Variants in BAG2 observed in about 807,000 individuals in gnomAD.
BAG2 encodes BAG family molecular chaperone regulator 2.
Under a neutral mutation model 16.4 loss-of-function variants are expected in BAG2, and 8 were observed. That is an observed-to-expected ratio of 0.49 (90% CI 0.29 to 0.88). BAG2 has a LOEUF of 0.88. BAG2 is among the 40% of genes least tolerant of loss of function. The pLI is 0.09. For missense variants in BAG2, 218 were observed against 248.9 expected, an observed-to-expected ratio of 0.88 and a Z score of 0.84; for synonymous variants, 82 against 89.2, an observed-to-expected ratio of 0.92 and a Z score of 0.46.
At chr6:57,173,328 C>G (rs1764182974) in intron 1 of BAG2, 1 of 985,284 alleles carries the variant, frequency 1.0e-6, no homozygotes, top group Non-Finnish European at 1.2e-6. Context: ...CCCAGCAATC[C>G]ATTGAGAGCA....
Position 57,189,152 on chromosome 6 carries a change from CA to C in BAG2, c.*4966del, listed in dbSNP as rs1764732657. ...GCTGGAAAGCTACTGTCCCAAGTGACAAAATTTATGTCCTGACACATGATTA... is the reference window on the plus strand; with the variant it reads ...GCTGGAAAGCTACTGTCCCAAGTGACAAATTTATGTCCTGACACATGATTA... On this transcript the variant is annotated 3_prime_UTR_variant, in exon 3 of 3. Transcript: ENST00000370693. The C allele has an allele frequency of 6.6e-6, 1 of 152,138 alleles. No homozygotes were observed. The highest frequency in any genetic ancestry group is 2.4e-5 in the African/African-American group (1 of 41,436). 9.4% of individuals were successfully genotyped at this position (152,138 alleles called of 1,614,324 possible).
chr6:57,172,733 G>T lies in BAG2; in HGVS notation c.36G>T (p.Glu12Asp). 1 of 1,581,638 alleles carries T rather than the reference G, an allele frequency of 6.3e-7. No individual in the cohort carries two copies. The highest frequency in any genetic ancestry group is 2.4e-5 in the East Asian group (1 of 41,524). ...CGAAGATCAACGCTAAAGCCAACGA[G>T]GGGCGCTTCTGCCGCTCCTCCTCCA... ...AQAKINAKANEGRFCRSSSMA... is the reference protein window; with the variant it reads ...AQAKINAKANDGRFCRSSSMA... The change falls in exon 1 of 3, where the codon GAG (glutamate) becomes GAT (aspartate). Residue 12 changes from glutamate to aspartate, a missense_variant. Glu to Asp is a conservative substitution (Grantham distance 45). Transcript: ENST00000370693.
Position 57,172,575 on chromosome 6 carries a change from C to A in BAG2, c.-123C>A. ...GGCGAGTCCTCCCGGGTTGCCCCCG[C>A]GGGCGTCAGAGGGAGGGCGGGCGCC... is the stretch of plus-strand genomic sequence containing the variant. On this transcript the variant is annotated 5_prime_UTR_variant, in exon 1 of 3. Transcript: ENST00000370693. 1.3e-6 allele frequency: 1 copy of A among 766,256 alleles called. No individual in the cohort carries two copies. Among genetic ancestry groups the A allele is most frequent in the Non-Finnish European group, 1.9e-6 (1 of 524,280 alleles). 47.5% of individuals were successfully genotyped at this position (766,256 alleles called of 1,614,324 possible). A position where few individuals can be genotyped will look rare whatever the true frequency, so the allele number is the denominator to read the frequency against.
chr6:57,172,917 T>A, intron 1 of BAG2, 107 bp downstream of exon 1: 1 of 1,008,972 alleles, frequency 9.9e-7, no homozygotes, highest in Non-Finnish European at 1.4e-6. Context: ...TGGGGCACAG[T>A]GAGGCTGCGG....
rs1489537997 is a variant in BAG2, at chr6:57,188,571, TA to T, written c.*4384del. 4 of 152,000 alleles carry T rather than the reference TA, an allele frequency of 2.6e-5. No homozygotes were observed. The highest frequency in any genetic ancestry group is 6.6e-5 in the Admixed American group (1 of 15,254). The allele number at this position is 152,000 out of a possible 1,614,324, so 9.4% of individuals were successfully genotyped here. ...GCAAAGTATTATTTTGTGCAAAAAT[TA>T]AAGAGGAGAGTAGAGAGTAGAAAAT... On this transcript the variant is annotated 3_prime_UTR_variant, in exon 3 of 3. Coordinates refer to ENST00000370693, the MANE Select transcript of BAG2 (RefSeq NM_004282.4).
At position 57,187,265 on chromosome 6, in the gene BAG2, A is replaced by G. The variant is rs1398739563; in HGVS notation, c.*3075A>G. ...TTTCGAGAGACAGATGAAAATAATA[A>G]TAATAAAGATTATTATAGCCAAATC... is the stretch of plus-strand genomic sequence containing the variant. On this transcript the variant is annotated 3_prime_UTR_variant, in exon 3 of 3. Transcript: ENST00000370693. 1 of 152,206 alleles carries G rather than the reference A, an allele frequency of 6.6e-6. No individual in the cohort carries two copies. The highest frequency in any genetic ancestry group is 1.5e-5 in the Non-Finnish European group (1 of 68,042). The allele number at this position is 152,206 out of a possible 1,614,324, so 9.4% of individuals were successfully genotyped here. A position where few individuals can be genotyped will look rare whatever the true frequency, so the allele number is the denominator to read the frequency against.
chr6:57,180,623 C>T (rs940875092), intron 1 of BAG2, among the ~76,000 whole-genome samples: 1 of 151,944 alleles, frequency 6.6e-6, no homozygotes. Flanking sequence ...TACCTAACTG[C>T]ATGCAGGGGT....
chr6:57,175,238 T>C (rs1014097905), intron 1 of BAG2, among the ~76,000 whole-genome samples: 6 of 152,250 alleles, frequency 3.9e-5, no homozygotes, highest in African/African-American at 1.4e-4. Flanking sequence ...ATTATTGTAA[T>C]TTGTAAAAAA....
chr6:57,173,691 T>A, intron 1 of BAG2: 1 of 276,958 alleles, frequency 3.6e-6, no homozygotes, highest in Non-Finnish European at 5.5e-6. Context: ...AGTTACTGTG[T>A]AAATTTTGTG....
intron 1 of BAG2, among the ~76,000 whole-genome samples, chr6:57,179,913 C>A (rs1562641258): frequency 6.6e-6 from 1 of 151,460 alleles, no homozygotes; most frequent in Non-Finnish European, 1.5e-5. Context: ...GACAAAGATA[C>A]CCCCATGATT....
In BAG2 at chr6:57,172,375, C is replaced by A. The variant is rs2127991492; in HGVS notation, c.-323C>A. ...CGCTCGGTCTCTGCGTCCGCCCCTC[C>A]CGTGCCTCAGAGACTTGCGCTCCCC... is the stretch of plus-strand genomic sequence containing the variant. On this transcript the variant is annotated 5_prime_UTR_variant, in exon 1 of 3. Transcript: ENST00000370693. 1.1e-5 allele frequency: 2 copies of A among 183,598 alleles called. No homozygotes were observed. Among genetic ancestry groups the A allele is most frequent in the Admixed American group, 1.2e-4 (2 of 16,124 alleles). The allele number at this position is 183,598 out of a possible 1,614,324, so 11.4% of individuals were successfully genotyped here.
Position 57,187,688 on chromosome 6 carries a change from T to TAA in BAG2, c.*3499_*3500dup. On this transcript the variant is annotated 3_prime_UTR_variant, in exon 3 of 3. Coordinates refer to ENST00000370693, the MANE Select transcript of BAG2 (RefSeq NM_004282.4). ...AGGTCCTAAGGCCAACTCCCTATTC[T>TAA]AAGGTCTTCAGAAAAGGTCCAGTTT... 6.6e-6 allele frequency: 1 copy of TAA among 152,300 alleles called. No homozygotes were observed. Among genetic ancestry groups the TAA allele is most frequent in the South Asian group, 2.1e-4 (1 of 4,818 alleles). The allele number at this position is 152,300 out of a possible 1,614,324, so 9.4% of individuals were successfully genotyped here. A position where few individuals can be genotyped will look rare whatever the true frequency, so the allele number is the denominator to read the frequency against.
intron 1 of BAG2, chr6:57,173,081 T>G: frequency 1.1e-6 from 1 of 934,172 alleles, no homozygotes; most frequent in Non-Finnish European, 1.3e-6. Context: ...TTAATTTACC[T>G]AGGTGTTAGG....
rs1349706491 is a variant in BAG2, at chr6:57,189,428, T to TG, written c.*5241dup. 6.6e-6 allele frequency: 1 copy of TG among 152,222 alleles called. No homozygotes were observed. Among genetic ancestry groups the TG allele is most frequent in the Non-Finnish European group, 1.5e-5 (1 of 68,040 alleles). The allele number at this position is 152,222 out of a possible 1,614,324, so 9.4% of individuals were successfully genotyped here. On this transcript the variant is annotated 3_prime_UTR_variant, in exon 3 of 3. Transcript: ENST00000370693. ...TAGTGTAATCTTGTAAGTTCAAAGC[T>TG]GGGTTCTCAGTGAGCAGCAAAAGGT...
chr6:57,187,548 A>AGAT lies in BAG2; in HGVS notation c.*3359_*3361dup, dbSNP rs1314080349. 4 of 152,232 alleles carry AGAT rather than the reference A, an allele frequency of 2.6e-5. No individual in the cohort carries two copies. The highest frequency in any genetic ancestry group is 9.6e-5 in the African/African-American group (4 of 41,464). The allele number at this position is 152,232 out of a possible 1,614,324, so 9.4% of individuals were successfully genotyped here. On this transcript the variant is annotated 3_prime_UTR_variant, in exon 3 of 3. Transcript: ENST00000370693. ...GTTTTCAGAGAAACAGACTAATGAT[A>AGAT]GATTAATGGGAACATTTTATCAGGT...
chr6:57,181,870 G>A (rs1764459402), intron 1 of BAG2, among the ~76,000 whole-genome samples, 162 bp from the exon 2 acceptor site: 1 of 152,136 alleles, frequency 6.6e-6, no homozygotes, highest in Non-Finnish European at 1.5e-5. Context: ...ATGGGAGAAA[G>A]GCAAGTGTAT....
intron 1 of BAG2, among the ~76,000 whole-genome samples, chr6:57,179,857 C>T (rs1245056327): frequency 2.6e-5 from 4 of 151,518 alleles, no homozygotes; most frequent in East Asian, 1.9e-4. Context: ...TTGATCAGGG[C>T]TTTACACAAA....
chr6:57,182,852 T>C (rs1161733232), intron 2 of BAG2, among the ~76,000 whole-genome samples: 1 of 152,094 alleles, frequency 6.6e-6, no homozygotes, highest in Non-Finnish European at 1.5e-5. Context: ...GGTTTCACCA[T>C]GTTGGCCAAG....
chr6:57,177,693 A>T (rs1764322837), intron 1 of BAG2, among the ~76,000 whole-genome samples: 2 of 152,204 alleles, frequency 1.3e-5, no homozygotes, highest in Non-Finnish European at 2.9e-5. Flanking sequence ...AGTCACAAGC[A>T]CTGTTCCCTT....
Sources: gnomAD v4.1 joint callset for allele counts (sites outside exome capture counted in the v4.1 genomes callset) on GRCh38, gnomAD v4.1.1 for gene constraint, MANE v1.5 for transcripts, NCBI Gene and HGNC (gene_info 2026-07-23, HGNC 2026-07-21) for gene names.